Variants in ACSBG1 observed in about 807,000 individuals in gnomAD.
ACSBG1 encodes the protein acyl-CoA synthetase bubblegum family member 1.
In ACSBG1, 39 loss-of-function variants were observed where a neutral mutation model predicts 80.2. That is an observed-to-expected ratio of 0.49 (90% CI 0.38 to 0.64). The LOEUF is 0.64. ACSBG1 is among the 30% of genes least tolerant of loss of function. The pLI is 0.00. For synonymous variants in ACSBG1, 392 were observed against 379.5 expected (o/e 1.03, Z -0.38); for missense variants, 828 against 966.4 (o/e 0.86, Z 1.90).
At chr15:78,190,855 C>T (rs904725412) in intron 5 of ACSBG1, among the ~76,000 whole-genome samples, 4 of 150,256 alleles carry the variant, frequency 2.7e-5, no homozygotes, top group Non-Finnish European at 5.9e-5. Flanking sequence ...AAATGGAAGA[C>T]CAAAAGAAAA....
At chr15:78,194,112 C>A in intron 3 of ACSBG1, 92 bp from the exon 4 acceptor site, 1 of 1,265,560 alleles carries the variant, frequency 7.9e-7, no homozygotes, top group Non-Finnish European at 1.1e-6. Context: ...TGCAGGGGAC[C>A]TGCAGGCTCC....
intron 2 of ACSBG1, among the ~76,000 whole-genome samples, chr15:78,200,342 G>A (rs1302588655): frequency 6.6e-6 from 1 of 152,042 alleles, no homozygotes; most frequent in Non-Finnish European, 1.5e-5. Flanking sequence ...AAGGCCTCCT[G>A]GCCAGCTGCA....
intron 5 of ACSBG1, among the ~76,000 whole-genome samples, chr15:78,188,361 C>G (rs1030025588): frequency 8.4e-4 from 128 of 151,790 alleles, no homozygotes; most frequent in Middle Eastern, 6.8e-3. Flanking sequence ...GAGCCTGCAT[C>G]GCCAAGTCAA....
intron 13 of ACSBG1, among the ~76,000 whole-genome samples, chr15:78,173,116 C>T (rs890852382): frequency 2.3e-4 from 35 of 152,118 alleles, no homozygotes; most frequent in East Asian, 1.2e-3. Context: ...GAGGCCGAGG[C>T]GGGCGGATCA....
chr15:78,224,255 G>C (rs140154748), intron 1 of ACSBG1, among the ~76,000 whole-genome samples: 1 of 75,142 alleles, frequency 1.3e-5, no homozygotes. Context: ...AACATCATGA[G>C]AAACCCTGAG....
chr15:78,194,509 C>T lies in ACSBG1; in HGVS notation c.450G>A (p.Leu150=), dbSNP rs2075092250. The T allele has an allele frequency of 1.2e-6, 2 of 1,613,902 alleles. No homozygotes were observed. The highest frequency in any genetic ancestry group is 2.7e-5 in the African/African-American group (2 of 74,934). The change falls in exon 3 of 14, where the codon CTG becomes CTA. Residue 150 remains leucine (L), a synonymous_variant. Coordinates refer to ENST00000258873, the MANE Select transcript of ACSBG1 (RefSeq NM_015162.5). ...TTGCCATGAGGGGCCCCCTTACCTT[C>T]AGGAAGCCCTTGGCGGCTCTGCGGG... ...LLARRAAKGF[L]KLGLKQAHSV... is the part of the protein sequence containing the mutation.
intron 13 of ACSBG1, 137 bp downstream of exon 13, chr15:78,173,456 A>C: frequency 8.4e-7 from 1 of 1,188,836 alleles, no homozygotes; most frequent in Non-Finnish European, 1.2e-6. Flanking sequence ...CTCTAACAGG[A>C]AGTAGATGGG....
At chr15:78,196,633 AAC>A (rs1429813304) in intron 2 of ACSBG1, among the ~76,000 whole-genome samples, 1 of 152,164 alleles carries the variant, frequency 6.6e-6, no homozygotes, top group Non-Finnish European at 1.5e-5. Flanking sequence ...GAGAAATAAA[AAC>A]ACATGTCCCC....
intron 1 of ACSBG1, among the ~76,000 whole-genome samples, chr15:78,222,699 C>T (rs772897905): frequency 9.2e-5 from 14 of 151,976 alleles, no homozygotes; most frequent in South Asian, 2.1e-4. Flanking sequence ...CCAAAGCAGA[C>T]GTGAGGTGGG....
chr15:78,203,912 G>C (rs1051636480), intron 2 of ACSBG1, among the ~76,000 whole-genome samples: 35 of 152,182 alleles, frequency 2.3e-4, no homozygotes, highest in Non-Finnish European at 5.0e-4. Context: ...CCCCAGGAGG[G>C]CCCCTCTCTC....
chr15:78,181,133 C>CAGCA, intron 8 of ACSBG1, 197 bp from the exon 9 acceptor site: 1 of 637,510 alleles, frequency 1.6e-6, no homozygotes, highest in Non-Finnish European at 2.6e-6. Context: ...TGGTGGCAGG[C>CAGCA]AGCAGTCAGG....
rs1290322878 is a variant in ACSBG1, at chr15:78,177,097, A to C, written c.1702+1517T>G. Among the ~76,000 whole-genome samples, 2 of 152,220 alleles carry C rather than the reference A, an allele frequency of 1.3e-5. No homozygotes were observed. The highest frequency in any genetic ancestry group is 2.4e-5 in the African/African-American group (1 of 41,454). On this transcript the variant is annotated intron_variant, in intron 11 of 13. Transcript: ENST00000258873. This position sits in a 1 kb window ranked among gnomAD's most constrained non-coding sequence, Gnocchi z 4.1. ...TTGATCTATAGATTCAATGAAATCA[A>C]AATCAAAATTCCACCCAGTTTTTGA...
chr15:78,202,008 C>T (rs985114594), intron 2 of ACSBG1, among the ~76,000 whole-genome samples: 2 of 152,068 alleles, frequency 1.3e-5, no homozygotes, highest in Non-Finnish European at 2.9e-5. Context: ...TTGCAGAGAT[C>T]AGGATGGCTG....
chr15:78,194,559 A>T lies in ACSBG1; in HGVS notation c.400T>A (p.Ser134Thr). ...FKRQDKWEHI[S>T]YSQYYLLARR... ...GCGAGCAGGTAGTATTGGGAGTAGG[A>T]GATGTGTTCCCACTTGTCCTGGCGC... is the stretch of plus-strand genomic sequence containing the variant. The change falls in exon 3 of 14, where the codon TCC (serine) becomes ACC (threonine). Residue 134 changes from serine to threonine, a missense_variant. Around this residue, in one of 3 missense-constraint regions of ACSBG1, gnomAD observed 356 missense variants for 363.5 expected, o/e 0.98. Transcript: ENST00000258873. 1 of 1,614,196 alleles carries T rather than the reference A, an allele frequency of 6.2e-7. No individual in the cohort carries two copies. The highest frequency in any genetic ancestry group is 8.5e-7 in the Non-Finnish European group (1 of 1,180,026).
At chr15:78,206,411 C>T (rs2075215350) in intron 2 of ACSBG1, among the ~76,000 whole-genome samples, 1 of 152,214 alleles carries the variant, frequency 6.6e-6, no homozygotes, top group Admixed American at 6.5e-5. Flanking sequence ...ACCTGTCTGC[C>T]CTCAGACTGG....
intron 7 of ACSBG1, 50 bp from the exon 8 acceptor site, chr15:78,182,195 C>A: frequency 6.3e-7 from 1 of 1,582,062 alleles, no homozygotes. Context: ...CCAGCCCTGG[C>A]GGTGCTCACA....
intron 11 of ACSBG1, among the ~76,000 whole-genome samples, chr15:78,176,932 A>ATAAATAAATAAATAAATAGG (rs2074888587): frequency 6.6e-6 from 1 of 151,460 alleles, no homozygotes; most frequent in African/African-American, 2.4e-5. Flanking sequence ...TGTTTCAAAA[A>ATAAATAAATAAATAAATAGG]TAAATAAATA....
intron 2 of ACSBG1, among the ~76,000 whole-genome samples, chr15:78,197,718 TTA>T (rs2075127785): frequency 1.1e-5 from 1 of 91,420 alleles, no homozygotes; most frequent in Non-Finnish European, 2.4e-5. Flanking sequence ...GACTCTGTCT[TTA>T]AAAAAAAAAA....
intron 1 of ACSBG1, among the ~76,000 whole-genome samples, chr15:78,229,458 C>T (rs2075429549): frequency 6.6e-6 from 1 of 152,188 alleles, no homozygotes; most frequent in South Asian, 2.1e-4. Flanking sequence ...TAGGCTAGCA[C>T]ACCCCAGAGA....
Sources: allele counts gnomAD v4.1 joint callset (sites outside exome capture counted in the v4.1 genomes callset), GRCh38; gene constraint gnomAD v4.1.1; regional missense constraint gnomAD v4.1.1; non-coding constraint Gnocchi (gnomAD v3.1); transcripts MANE v1.5; gene names NCBI Gene and HGNC (gene_info 2026-07-23, HGNC 2026-07-21).